The following AKAP6 variants were observed in gnomAD, a reference collection of about 807,000 sequenced individuals.
AKAP6 encodes the protein A-kinase anchoring protein 6, also known as A-kinase anchor protein 6.
Under a neutral mutation model 188.5 loss-of-function variants are expected in AKAP6, and 58 were observed. The observed-to-expected ratio is 0.31, with a 90% CI of 0.25 to 0.38. The LOEUF is 0.38. AKAP6 is among the 10% of genes least tolerant of loss of function. The pLI, the probability that AKAP6 is intolerant of heterozygous loss-of-function variation, is 1.00. For synonymous variants in AKAP6, 989 were observed against 998.6 expected (o/e 0.99, Z 0.18); for missense variants, 2,710 against 2,740.0 (o/e 0.99, Z 0.24).
intron 2 of AKAP6, among the ~76,000 whole-genome samples, chr14:32,441,211 T>C (rs999444910): frequency 6.6e-6 from 1 of 152,246 alleles, no homozygotes; most frequent in South Asian, 2.1e-4. Context: ...TTAGGGTGTC[T>C]TCTTAGGGAA....
At chr14:32,512,987 G>A (rs943979141) in intron 2 of AKAP6, among the ~76,000 whole-genome samples, 1 of 152,284 alleles carries the variant, frequency 6.6e-6, no homozygotes, top group East Asian at 1.9e-4. Context: ...TGAAATTTTA[G>A]TCATGCAAAG....
At chr14:32,416,801 C>T (rs1452368702) in intron 1 of AKAP6, among the ~76,000 whole-genome samples, 3 of 152,012 alleles carry the variant, frequency 2.0e-5, no homozygotes, top group South Asian at 2.1e-4. Context: ...ATGATCTGCC[C>T]GCCTCAGTCT....
chr14:32,749,138 A>G (rs376410849), intron 11 of AKAP6, among the ~76,000 whole-genome samples: 5 of 152,152 alleles, frequency 3.3e-5, no homozygotes, highest in Non-Finnish European at 7.3e-5. Flanking sequence ...TGGCAACCCT[A>G]TGACCTAGGA....
In AKAP6 at chr14:32,788,613, C is replaced by CA. The variant is rs937844958; in HGVS notation, c.3588+14720_3588+14721insA. On this transcript the variant is annotated intron_variant, in intron 12 of 13. Coordinates refer to ENST00000280979, the MANE Select transcript of AKAP6 (RefSeq NM_004274.5). ...GGGAAGCAGTGAGTGAGCGTGCAAC[C>CA]CCCCCCAGGAAACCATGCTTCTCCC... Among the ~76,000 whole-genome samples the CA allele has an allele frequency of 1.3e-4, 20 of 152,078 alleles. 1 individual carries two copies. Among genetic ancestry groups the CA allele is most frequent in the Admixed American group, 3.3e-4 (5 of 15,280 alleles).
chr14:32,376,997 C>A lies in AKAP6; in HGVS notation c.-35+47589C>A, dbSNP rs756426680. On this transcript the variant is annotated intron_variant, in intron 1 of 13. Transcript: ENST00000280979. ...GGCATGAGCCACCGCGCCCAGCCTG[C>A]AGGTTTTGTTTTCATTTGAACTGTT... Among the ~76,000 whole-genome samples the A allele has an allele frequency of 2.6e-5, 4 of 152,136 alleles. No individual in the cohort carries two copies. In the South Asian group the frequency reaches 6.2e-4, roughly 24 times the overall value.
chr14:32,461,642 T>A (rs1891326897), intron 2 of AKAP6, among the ~76,000 whole-genome samples: 2 of 151,924 alleles, frequency 1.3e-5, no homozygotes, highest in African/African-American at 4.8e-5. Context: ...GCAAAAACCC[T>A]GAAAATTCCA....
chr14:32,416,502 G>A (rs577961815), intron 1 of AKAP6, among the ~76,000 whole-genome samples: 1 of 152,072 alleles, frequency 6.6e-6, no homozygotes, highest in South Asian at 2.1e-4. Context: ...TGTTGATATG[G>A]TCTTTTGATG....
rs1192808366 is a variant in AKAP6 at position 32,509,373 on chromosome 14, C to G, written c.325-26181C>G. 2.6e-5 allele frequency among the ~76,000 whole-genome samples: 4 copies of G among 151,866 alleles called. 1 individual carries two copies. The highest frequency in any genetic ancestry group is 9.7e-5 in the African/African-American group (4 of 41,344). On this transcript the variant is annotated intron_variant, in intron 2 of 13. Coordinates refer to ENST00000280979, the MANE Select transcript of AKAP6 (RefSeq NM_004274.5). ...AAACTCCTGAGCTCAGGCAATCTGC[C>G]CACCTTGGCTTGTTTATTGAGTACC... is the stretch of plus-strand genomic sequence containing the variant.
At chr14:32,363,050 T>G (rs1202075521) in intron 1 of AKAP6, among the ~76,000 whole-genome samples, 1 of 152,212 alleles carries the variant, frequency 6.6e-6, no homozygotes, top group Admixed American at 6.5e-5. Context: ...TTCTGGGCAC[T>G]GGAGCTACAG....
At chr14:32,615,639 A>G (rs1886544242) in intron 7 of AKAP6, among the ~76,000 whole-genome samples, 1 of 123,958 alleles carries the variant, frequency 8.1e-6, no homozygotes, top group Non-Finnish European at 1.6e-5. Context: ...TCTGTCACCC[A>G]GGCTGGAGTG....
At position 32,755,104 on chromosome 14, in the gene AKAP6, G is replaced by A. The variant is rs973913729; in HGVS notation, c.3373-18574G>A. On this transcript the variant is annotated intron_variant, in intron 11 of 13. Coordinates refer to ENST00000280979, the MANE Select transcript of AKAP6 (RefSeq NM_004274.5). Reference sequence around the variant, plus strand: ...AATAAGCTTTTTGCCCCCTTCTCTGGCTTTGCTTATTCTGAGACTTTCATA... The same window carrying A: ...AATAAGCTTTTTGCCCCCTTCTCTGACTTTGCTTATTCTGAGACTTTCATA... Among the ~76,000 whole-genome samples, 20 of 152,064 alleles carry A rather than the reference G, an allele frequency of 1.3e-4. 1 individual carries two copies. The highest frequency in any genetic ancestry group is 2.4e-5 in the African/African-American group (1 of 41,396).
At chr14:32,567,574 A>T (rs1476463569) in intron 4 of AKAP6, among the ~76,000 whole-genome samples, 1 of 152,152 alleles carries the variant, frequency 6.6e-6, no homozygotes, top group East Asian at 1.9e-4. Flanking sequence ...GCTGAATAAT[A>T]ATTTTGTTAT....
chr14:32,669,207 A>G (rs769758359), intron 7 of AKAP6, among the ~76,000 whole-genome samples: 2 of 152,196 alleles, frequency 1.3e-5, no homozygotes, highest in African/African-American at 4.8e-5. Context: ...TGTTGAATGA[A>G]TAAATGAAGG....
intron 7 of AKAP6, among the ~76,000 whole-genome samples, chr14:32,649,135 A>G (rs1208892327): frequency 6.6e-6 from 1 of 152,156 alleles, no homozygotes; most frequent in Non-Finnish European, 1.5e-5. Flanking sequence ...TCTTCTCTAA[A>G]TAAACATTCC....
intron 7 of AKAP6, among the ~76,000 whole-genome samples, chr14:32,618,846 A>C (rs1886697075): frequency 6.6e-6 from 1 of 152,072 alleles, no homozygotes. Context: ...CATCACATCC[A>C]CGCCAACATT....
rs1336446012 is a variant in AKAP6, at chr14:32,834,539, T to TC, written c.*4734_*4735insC. The stretch of plus-strand genomic sequence containing the variant: ...CTGCTTTTAGTTTCCAAGTCTTTTT[T>TC]TTTTTTTTTTTTTTTAAATCTTGCA... On this transcript the variant is annotated 3_prime_UTR_variant, in exon 14 of 14. Transcript: ENST00000280979. The TC allele has an allele frequency of 6.7e-6, 1 of 149,758 alleles. No individual in the cohort carries two copies. Among genetic ancestry groups the TC allele is most frequent in the African/African-American group, 2.4e-5 (1 of 40,834 alleles). The allele number at this position is 149,758 out of a possible 1,614,324, so 9.3% of individuals were successfully genotyped here. A position where few individuals can be genotyped will look rare whatever the true frequency, so the allele number is the denominator to read the frequency against.
intron 2 of AKAP6, among the ~76,000 whole-genome samples, chr14:32,499,415 G>A (rs911686186): frequency 1.3e-5 from 2 of 151,262 alleles, no homozygotes; most frequent in African/African-American, 4.9e-5. Flanking sequence ...ATAAGCATGA[G>A]CTACTGTGCC....
At chr14:32,464,381 A>C (rs1878266186) in intron 2 of AKAP6, among the ~76,000 whole-genome samples, 1 of 152,150 alleles carries the variant, frequency 6.6e-6, no homozygotes, top group East Asian at 1.9e-4. Flanking sequence ...GTAGCACATC[A>C]AAAAGCTTAT....
rs185669455 is a variant in AKAP6, at chr14:32,585,327, C to G, written c.2469+8085C>G. Among the ~76,000 whole-genome samples the G allele has an allele frequency of 3.5e-4, 54 of 152,328 alleles. 1 individual carries two copies. Among genetic ancestry groups the G allele is most frequent in the African/African-American group, 1.3e-3 (52 of 41,580 alleles). On this transcript the variant is annotated intron_variant, in intron 5 of 13. Transcript: ENST00000280979. ...AAGATGTAGGAAAAACAATCAACCA[C>G]AAGAGCCTGGCTTAAACTTAGGAAG...
Sources: gnomAD v4.1 joint callset for allele counts (sites outside exome capture counted in the v4.1 genomes callset) on GRCh38, gnomAD v4.1.1 for gene constraint, MANE v1.5 for transcripts, NCBI Gene and HGNC (gene_info 2026-07-23, HGNC 2026-07-21) for gene names.